ZNF429: variants seen among roughly 807,000 people sequenced by gnomAD.
ZNF429 encodes zinc finger protein 429.
Under a neutral mutation model 56.8 loss-of-function variants are expected in ZNF429, and 53 were observed. The observed-to-expected ratio is 0.93, with a 90% CI of 0.75 to 1.17. ZNF429 has a LOEUF of 1.17. Among genes scored for constraint, ZNF429 ranks in the 50% most tolerant of loss-of-function variants. The probability of loss-of-function intolerance (pLI) is 0.00; values close to 1 mark genes in which losing one functional copy is unlikely to be tolerated. For missense variants in ZNF429, 849 were observed against 788.4 expected, an observed-to-expected ratio of 1.08 and a Z score of -0.92; for synonymous variants, 278 against 264.7, an observed-to-expected ratio of 1.05 and a Z score of -0.49.
rs2033676358 is a variant in ZNF429, at chr19:21,536,453, A to C, written c.400A>C (p.Asn134His). The C allele has an allele frequency of 5.0e-6, 8 of 1,613,570 alleles. 1 individual carries two copies. In the South Asian group the frequency reaches 8.8e-5, roughly 18 times the overall value. The change falls in exon 4 of 4, where the codon AAC (asparagine) becomes CAC (histidine). Residue 134 changes from asparagine to histidine, a missense_variant. Coordinates refer to ENST00000358491, the MANE Select transcript of ZNF429 (RefSeq NM_001001415.4). The part of the protein sequence containing the change: ...KLYKGGYNGL[N>H]QCLTLTQSKM... ...ATACAAAGGAGGTTATAATGGACTT[A>C]ACCAATGTTTGACACTTACCCAGAG...
At chr19:21,531,127 A>AAAG in intron 3 of ZNF429, among the ~76,000 whole-genome samples, 1 of 104,612 alleles carries the variant, frequency 9.6e-6, no homozygotes, top group Non-Finnish European at 2.1e-5. Context: ...AAAAAAAAAA[A>AAAG]AACCAAAAAA....
At chr19:21,534,673 A>T in intron 3 of ZNF429, among the ~76,000 whole-genome samples, 3 of 152,126 alleles carry the variant, frequency 2.0e-5, no homozygotes, top group African/African-American at 7.2e-5. Flanking sequence ...CCCAGCCAAT[A>T]TTCCTAAATT....
At chr19:21,524,879 A>C (rs1327996884) in intron 1 of ZNF429, among the ~76,000 whole-genome samples, 2 of 152,232 alleles carry the variant, frequency 1.3e-5, no homozygotes, top group Admixed American at 6.5e-5. Context: ...TTTGGTTGGT[A>C]CCCAGATGAG....
At chr19:21,511,185 A>G (rs978461286) in intron 1 of ZNF429, among the ~76,000 whole-genome samples, 18 of 150,850 alleles carry the variant, frequency 1.2e-4, no homozygotes, top group African/African-American at 4.4e-4. Context: ...CACCTCCCGG[A>G]TGGGGCGGCT....
At chr19:21,535,296 C>CTTTCTTTCTTTCTTTCTTTCTTTCTTTCT in intron 3 of ZNF429, among the ~76,000 whole-genome samples, 2 of 82,636 alleles carry the variant, frequency 2.4e-5, no homozygotes, top group African/African-American at 5.5e-5. Flanking sequence ...CATTTCTTTC[C>CTTTCTTTCTTTCTTTCTTTCTTTCTTTCT]TTCTTTCTTT....
Position 21,535,394 on chromosome 19 carries a change from TTTC to T in ZNF429, c.227-883_227-881del. Among the ~76,000 whole-genome samples, 95 of 50,250 alleles carry T rather than the reference TTTC, an allele frequency of 1.9e-3. 6 individuals are homozygous for T. Among genetic ancestry groups the T allele is most frequent in the Non-Finnish European group, 1.9e-3 (55 of 28,646 alleles). 33.0% of individuals were successfully genotyped at this position (50,250 alleles called of 152,430 possible). ...CTTTCTTTCTTTTTTACTTTCTTTC[TTTC>T]TTTCTTTCTTTTTCTTTTCTTTCTT... On this transcript the variant is annotated intron_variant, in intron 3 of 3. Transcript: ENST00000358491.
chr19:21,527,410 T>C (rs2033211180), intron 1 of ZNF429, among the ~76,000 whole-genome samples: 1 of 152,176 alleles, frequency 6.6e-6, no homozygotes, highest in Admixed American at 6.5e-5. Flanking sequence ...GAAGCATCCA[T>C]GTTGTTTTAA....
At chr19:21,535,468 CT>C in intron 3 of ZNF429, among the ~76,000 whole-genome samples, 52 of 38,216 alleles carry the variant, frequency 1.4e-3, no homozygotes, top group Admixed American at 3.2e-3. Context: ...TTCTTTCTTT[CT>C]TTCTTTCTTT....
chr19:21,530,759 T>C, intron 3 of ZNF429, 75 bp downstream of exon 3: 3 of 1,099,390 alleles, frequency 2.7e-6, no homozygotes, highest in Admixed American at 2.4e-5. Flanking sequence ...TCCTTAACAA[T>C]GTGATTTGGG....
chr19:21,537,788 A>T lies in ZNF429; in HGVS notation c.1735A>T (p.Asn579Tyr). Residue 579 changes from asparagine to tyrosine, a missense_variant, in exon 4 of 4, where the codon AAC becomes TAC. By Grantham distance (143) the Asn-to-Tyr change is moderately radical. Coordinates refer to ENST00000358491, the MANE Select transcript of ZNF429 (RefSeq NM_001001415.4). The part of the protein sequence containing the change: ...QCDKAFTHSS[N>Y]LSSHKKIHSG... ...TGACAAAGCTTTTACCCACTCCTCA[A>T]ACCTTAGTAGTCATAAGAAAATTCA... 2 of 1,613,388 alleles carry T rather than the reference A, an allele frequency of 1.2e-6. No homozygotes were observed. Among genetic ancestry groups the T allele is most frequent in the Non-Finnish European group, 1.7e-6 (2 of 1,179,918 alleles).
intron 1 of ZNF429, among the ~76,000 whole-genome samples, chr19:21,520,210 A>C (rs1041009073): frequency 6.6e-6 from 1 of 152,098 alleles, no homozygotes; most frequent in East Asian, 1.9e-4. Flanking sequence ...TTTTTCCTTC[A>C]TAAACATTCT....
rs1311869703 is a variant in ZNF429, at chr19:21,537,446, T to G, written c.1393T>G (p.Ser465Ala). 3.1e-6 allele frequency: 5 copies of G among 1,613,544 alleles called. 1 individual carries two copies. Among genetic ancestry groups the G allele is most frequent in the Non-Finnish European group, 3.4e-6 (4 of 1,179,910 alleles). ...CNECGKAFNR[S>A]SHLTSHRRIH... ...CGAATGTGGCAAAGCTTTTAACCGG[T>G]CCTCACACCTTACTAGCCATAGGAG... The change falls in exon 4 of 4, where the codon TCC becomes GCC. Residue 465 changes from serine to alanine, a missense_variant. Coordinates refer to ENST00000358491, the MANE Select transcript of ZNF429 (RefSeq NM_001001415.4).
rs748475506 is a variant in ZNF429, at chr19:21,537,411, A to G, written c.1358A>G (p.Tyr453Cys). 1.1e-5 allele frequency: 17 copies of G among 1,613,674 alleles called. No individual in the cohort carries two copies. The highest frequency in any genetic ancestry group is 1.7e-5 in the Admixed American group (1 of 60,018). The change falls in exon 4 of 4, where the codon TAT becomes TGT. Residue 453 changes from tyrosine (Y) to cysteine (C), a missense_variant. Tyr to Cys is a radical substitution (Grantham distance 194). Coordinates refer to ENST00000358491, the MANE Select transcript of ZNF429 (RefSeq NM_001001415.4). ...HKRIHTEEKPYKCNECGKAFN... is the reference protein window; with the variant it reads ...HKRIHTEEKPCKCNECGKAFN... ...AGAATTCATACTGAAGAGAAACCCTATAAATGTAACGAATGTGGCAAAGCT... is the reference window on the plus strand; with the variant it reads ...AGAATTCATACTGAAGAGAAACCCTGTAAATGTAACGAATGTGGCAAAGCT...
At chr19:21,532,457 A>G in intron 3 of ZNF429, among the ~76,000 whole-genome samples, 1 of 152,160 alleles carries the variant, frequency 6.6e-6, no homozygotes, top group African/African-American at 2.4e-5. Flanking sequence ...ACTACTCTCA[A>G]ACATTTTAGA....
At chr19:21,506,463 G>A (rs1436353496) in intron 1 of ZNF429, among the ~76,000 whole-genome samples, 3 of 148,824 alleles carry the variant, frequency 2.0e-5, no homozygotes, top group East Asian at 3.9e-4. Flanking sequence ...AAAAAAAAAG[G>A]GGAGTCACTG....
rs1230033965 is a variant in ZNF429 at position 21,537,970 on chromosome 19, TAAG to T, written c.1920_1922del (p.Lys641del). ...CCCGGTCTTCAAGACTTACTCAACA[TAAG>T]AAAATTCATAGGATGGGTGTGGTGG... is the stretch of plus-strand genomic sequence containing the variant. On this transcript the variant is annotated inframe_deletion, in exon 4 of 4. Coordinates refer to ENST00000358491, the MANE Select transcript of ZNF429 (RefSeq NM_001001415.4). 6.2e-7 allele frequency: 1 copy of T among 1,613,820 alleles called. No individual in the cohort carries two copies. The highest frequency in any genetic ancestry group is 1.3e-5 in the African/African-American group (1 of 74,836).
intron 3 of ZNF429, among the ~76,000 whole-genome samples, chr19:21,534,112 A>T: frequency 6.6e-6 from 1 of 152,170 alleles, no homozygotes; most frequent in Admixed American, 6.5e-5. Context: ...GCTATAGTTT[A>T]TGATCAAATT....
intron 1 of ZNF429, among the ~76,000 whole-genome samples, chr19:21,523,278 A>C (rs2033047467): frequency 6.6e-6 from 1 of 152,220 alleles, no homozygotes; most frequent in South Asian, 2.1e-4. Context: ...AGATTTGGAA[A>C]ACAGAAAATC....
In ZNF429 at chr19:21,530,591, A is replaced by T. The variant is rs1403887461; in HGVS notation, c.133A>T (p.Ile45Phe). ...CTTCTTTATTTTTAATAAAACAGGT[A>T]TTGCTGTTTCTAAGCCAGACCTAAT... ...ENYRNLVFLG[I>F]AVSKPDLITC... The change falls in exon 3 of 4, where the codon ATT (isoleucine) becomes TTT (phenylalanine). Residue 45 changes from isoleucine (I) to phenylalanine (F), a missense_variant and splice_region_variant. Physicochemically the swap from Ile to Phe is conservative, Grantham distance 21. Coordinates refer to ENST00000358491, the MANE Select transcript of ZNF429 (RefSeq NM_001001415.4). The T allele has an allele frequency of 6.3e-7, 1 of 1,595,694 alleles. No individual in the cohort carries two copies. The highest frequency in any genetic ancestry group is 1.8e-5 in the Admixed American group (1 of 56,372).
Sources: allele counts gnomAD v4.1 joint callset (sites outside exome capture counted in the v4.1 genomes callset), GRCh38; gene constraint gnomAD v4.1.1; transcripts MANE v1.5; gene names NCBI Gene and HGNC (gene_info 2026-07-23, HGNC 2026-07-21).